Variants in PCDHA7 observed in about 807,000 individuals in gnomAD.
The protein encoded by PCDHA7 is protocadherin alpha 7.
Under a neutral mutation model 57.2 loss-of-function variants are expected in PCDHA7, and 37 were observed. The observed-to-expected ratio is 0.65, with a 90% CI of 0.50 to 0.85. PCDHA7 has a LOEUF of 0.85. Ranked by LOEUF, PCDHA7 falls within the 40% of genes least tolerant of loss-of-function variation. The probability of loss-of-function intolerance (pLI) is 0.00; values close to 1 mark genes in which losing one functional copy is unlikely to be tolerated. For missense variants in PCDHA7, 1,188 were observed against 1,241.8 expected, an observed-to-expected ratio of 0.96 and a Z score of 0.65; for synonymous variants, 553 against 558.8, an observed-to-expected ratio of 0.99 and a Z score of 0.15.
chr5:140,884,559 C>G lies in PCDHA7; in HGVS notation c.2355+47821C>G. On this transcript the variant is annotated intron_variant, in intron 1 of 3. Transcript: ENST00000525929. ...CCGAGGGTGTGCTCTGGGGAGGGCC[C>G]GCATAAGACGGACCTCATGGCCTTC... The G allele has an allele frequency of 1.2e-6, 2 of 1,614,094 alleles. No individual in the cohort carries two copies. The highest frequency in any genetic ancestry group is 1.7e-5 in the Admixed American group (1 of 59,984).
intron 1 of PCDHA7, chr5:140,969,204 C>T (rs1453693936): frequency 3.2e-5 from 51 of 1,613,996 alleles, no homozygotes; most frequent in African/African-American, 1.5e-4. Context: ...AATACAGGGG[C>T]CCAGACAGGA....
chr5:140,834,473 G>C lies in PCDHA7; in HGVS notation c.90G>C (p.Gln30His). 1 of 1,614,140 alleles carries C rather than the reference G, an allele frequency of 6.2e-7. No individual in the cohort carries two copies. Among genetic ancestry groups the C allele is most frequent in the Non-Finnish European group, 8.5e-7 (1 of 1,180,038 alleles). Residue 30 changes from glutamine to histidine, a missense_variant, in exon 1 of 4, where the codon CAG (glutamine) becomes CAC (histidine). Coordinates refer to ENST00000525929, the MANE Select transcript of PCDHA7 (RefSeq NM_018910.3). ...CAGCTTGGGAGGCAGGGAGAGGCCA[G>C]CTCCACTACTCGGTCCCCGAGGAGG... Reference protein sequence around the residue: ...ILAAWEAGRGQLHYSVPEEAK... With the variant: ...ILAAWEAGRGHLHYSVPEEAK...
At chr5:140,847,009 T>G (rs1780816378) in intron 1 of PCDHA7, among the ~76,000 whole-genome samples, 1 of 149,542 alleles carries the variant, frequency 6.7e-6, no homozygotes, top group Non-Finnish European at 1.5e-5. Flanking sequence ...TTGAGAATGA[T>G]AGACATTTCT....
intron 1 of PCDHA7, among the ~76,000 whole-genome samples, chr5:140,941,542 C>T (rs782270560): frequency 4.0e-5 from 6 of 151,842 alleles, no homozygotes; most frequent in Non-Finnish European, 7.4e-5. Context: ...GTCTTGAACT[C>T]CTGACCTCGT....
intron 3 of PCDHA7, among the ~76,000 whole-genome samples, chr5:140,984,079 G>A (rs1554245959): frequency 2.0e-5 from 3 of 152,244 alleles, no homozygotes; most frequent in Admixed American, 2.0e-4. Context: ...CAACGATGGA[G>A]TGAAGAAATG....
At chr5:140,912,882 T>A (rs2153523481) in intron 1 of PCDHA7, among the ~76,000 whole-genome samples, 1 of 152,362 alleles carries the variant, frequency 6.6e-6, no homozygotes, top group South Asian at 2.1e-4. Context: ...TTGGTCTTCA[T>A]TCTGTTGATA....
chr5:140,955,492 A>G, intron 1 of PCDHA7, among the ~76,000 whole-genome samples: 1 of 152,138 alleles, frequency 6.6e-6, no homozygotes, highest in East Asian at 1.9e-4. Context: ...TCCTGCCACC[A>G]TGTGAAGAAA....
intron 1 of PCDHA7, chr5:140,842,767 G>A (rs2150343877): frequency 1.9e-6 from 3 of 1,594,562 alleles, no homozygotes; most frequent in Non-Finnish European, 2.6e-6. Context: ...CGCGAGACGC[G>A]GACGCGCAGG....
intron 1 of PCDHA7, among the ~76,000 whole-genome samples, chr5:140,942,620 A>C (rs1304224304): frequency 3.5e-5 from 1 of 28,710 alleles, no homozygotes; most frequent in African/African-American, 2.6e-4. Context: ...TGCCAATTGT[A>C]AAAAAAAAAA....
chr5:140,979,592 T>C (rs1554240865), intron 2 of PCDHA7, among the ~76,000 whole-genome samples: 1 of 152,248 alleles, frequency 6.6e-6, no homozygotes, highest in African/African-American at 2.4e-5. Flanking sequence ...CTAGCTTACT[T>C]TAAATTAACC....
At chr5:140,928,555 A>T in intron 1 of PCDHA7, 1 of 1,614,240 alleles carries the variant, frequency 6.2e-7, no homozygotes, top group South Asian at 1.1e-5. Flanking sequence ...TTATCCGGTT[A>T]TCTTGTTTCC....
intron 1 of PCDHA7, chr5:140,850,534 C>A: frequency 6.3e-7 from 1 of 1,598,276 alleles, no homozygotes; most frequent in Non-Finnish European, 8.6e-7. Flanking sequence ...AAGTCATCGT[C>A]GCGGGCGTCA....
intron 1 of PCDHA7, among the ~76,000 whole-genome samples, chr5:140,920,717 G>A (rs1042476401): frequency 1.3e-5 from 2 of 152,044 alleles, no homozygotes; most frequent in African/African-American, 2.4e-5. Flanking sequence ...GGTGGTGTGC[G>A]CCTGCAGTCC....
At chr5:140,850,964 C>T in intron 1 of PCDHA7, 2 of 1,468,876 alleles carry the variant, frequency 1.4e-6, no homozygotes, top group Non-Finnish European at 1.8e-6. Flanking sequence ...TCCCAGGGGC[C>T]GTTCAAATAG....
At chr5:140,851,173 A>G in intron 1 of PCDHA7, 1 of 1,267,370 alleles carries the variant, frequency 7.9e-7, no homozygotes, top group South Asian at 2.8e-5. Context: ...CTGCCATAAC[A>G]CTTGAAAACC....
Position 141,004,229 on chromosome 5 carries a change from T to G in PCDHA7, c.2504-5398T>G, listed in dbSNP as rs368330742. On this transcript the variant is annotated intron_variant, in intron 3 of 3. Transcript: ENST00000525929. ...AGATTAGGAGGTCAGTCAGTGTTTG[T>G]CAGATCCTTAAGCTTTTGTTTTACT... Among the ~76,000 whole-genome samples, 5 of 152,250 alleles carry G rather than the reference T, an allele frequency of 3.3e-5. No individual in the cohort carries two copies. The East Asian group carries it at 7.7e-4, about 23-fold the overall frequency.
At chr5:140,893,219 G>T (rs1273209081) in intron 1 of PCDHA7, among the ~76,000 whole-genome samples, 1 of 152,194 alleles carries the variant, frequency 6.6e-6, no homozygotes. Context: ...GGAGGTGCAG[G>T]TATCACTTTG....
intron 1 of PCDHA7, among the ~76,000 whole-genome samples, chr5:140,972,660 A>ATT (rs11350929): frequency 4.2e-4 from 49 of 117,232 alleles, no homozygotes; most frequent in Non-Finnish European, 5.7e-4. Context: ...AAGAAACCAA[A>ATT]TTTTTTTTTT....
rs2150252666 is a variant in PCDHA7 at position 140,836,095 on chromosome 5, G to C, written c.1712G>C (p.Gly571Ala). ...CCGGCACTGCTGGCGCCTCGGGTGG[G>C]TGGCACTGGTGGCGCAGTGAGAGAG... Reference protein sequence around the residue: ...NAPALLAPRVGGTGGAVRELV... With the variant: ...NAPALLAPRVAGTGGAVRELV... Residue 571 changes from glycine (G) to alanine (A), a missense_variant, in exon 1 of 4, where the codon GGT (glycine) becomes GCT (alanine). Transcript: ENST00000525929. 6 of 1,613,694 alleles carry C rather than the reference G, an allele frequency of 3.7e-6. No homozygotes were observed. Among genetic ancestry groups the C allele is most frequent in the Non-Finnish European group, 5.1e-6 (6 of 1,179,784 alleles).
Sources: allele counts gnomAD v4.1 joint callset (sites outside exome capture counted in the v4.1 genomes callset), GRCh38; gene constraint gnomAD v4.1.1; transcripts MANE v1.5; gene names NCBI Gene and HGNC (gene_info 2026-07-23, HGNC 2026-07-21).